Variants in ASTN2 observed in about 807,000 individuals in gnomAD.
ASTN2 encodes astrotactin-2.
A neutral mutation model predicts 139.8 loss-of-function variants in ASTN2; 54 were observed. The observed-to-expected ratio is 0.39, with a 90% CI of 0.31 to 0.48. ASTN2 has a LOEUF of 0.48. ASTN2 is among the 20% of genes least tolerant of loss of function. ASTN2 has a pLI of 0.95. For missense variants in ASTN2, 1,565 were observed against 1,725.1 expected, an observed-to-expected ratio of 0.91 and a Z score of 1.64; for synonymous variants, 756 against 719.5, an observed-to-expected ratio of 1.05 and a Z score of -0.81.
At chr9:116,927,923 A>T (rs1047607772) in intron 10 of ASTN2, among the ~76,000 whole-genome samples, 1 of 152,178 alleles carries the variant, frequency 6.6e-6, no homozygotes, top group African/African-American at 2.4e-5. Context: ...CCCTTTGGGA[A>T]ATCACACCAA....
chr9:116,476,121 A>G (rs943256042), intron 20 of ASTN2, among the ~76,000 whole-genome samples: 8 of 152,194 alleles, frequency 5.3e-5, no homozygotes, highest in African/African-American at 1.9e-4. Context: ...GCTCTTGGAA[A>G]GAATCCTTCC....
chr9:116,608,156 G>A (rs1855311927), intron 19 of ASTN2, among the ~76,000 whole-genome samples: 1 of 152,158 alleles, frequency 6.6e-6, no homozygotes, highest in African/African-American at 2.4e-5. Context: ...ACAGAGTTCT[G>A]AGACCAGGGA....
Position 117,214,652 on chromosome 9 carries a change from G to C in ASTN2, c.721C>G (p.Gln241Glu). The change falls in exon 3 of 23, where the codon CAG becomes GAG. Residue 241 changes from glutamine (Q) to glutamate (E), a missense_variant. Physicochemically the swap from Gln to Glu is conservative, Grantham distance 29. Transcript: ENST00000313400. ...GTGGCTTCTGTGCTTGCGCTCTTCT[G>C]GGGGATGCGGCGACGCTTCTGCCAA... The part of the protein sequence containing the change: ...RRWQKRRRIP[Q>E]KSASTEATHE... The C allele has an allele frequency of 4.5e-6, 7 of 1,557,888 alleles. No homozygotes were observed. The highest frequency in any genetic ancestry group is 6.1e-6 in the Non-Finnish European group (7 of 1,144,214).
At chr9:117,031,998 T>C (rs1310138303) in intron 6 of ASTN2, among the ~76,000 whole-genome samples, 1 of 152,130 alleles carries the variant, frequency 6.6e-6, no homozygotes, top group Non-Finnish European at 1.5e-5. Context: ...TAATAAAAGA[T>C]AGGAGAGAGC....
chr9:116,916,130 G>A (rs750752933), intron 10 of ASTN2, among the ~76,000 whole-genome samples: 34 of 152,156 alleles, frequency 2.2e-4, no homozygotes, highest in Non-Finnish European at 2.2e-4. Flanking sequence ...TGGAAGTGTG[G>A]TGAGTCAAGA....
intron 19 of ASTN2, among the ~76,000 whole-genome samples, chr9:116,542,871 G>C (rs1257171723): frequency 6.6e-6 from 1 of 152,112 alleles, no homozygotes; most frequent in Non-Finnish European, 1.5e-5. Flanking sequence ...AGTGAGCTGA[G>C]ATTGTGCCAC....
chr9:116,629,562 A>C (rs1856634723), intron 17 of ASTN2, among the ~76,000 whole-genome samples: 1 of 151,932 alleles, frequency 6.6e-6, no homozygotes, highest in Non-Finnish European at 1.5e-5. Context: ...TCTTCAACCC[A>C]TCTCTTATTT....
intron 16 of ASTN2, among the ~76,000 whole-genome samples, chr9:116,655,518 C>T (rs932006085): frequency 3.3e-5 from 5 of 152,132 alleles, no homozygotes; most frequent in African/African-American, 1.2e-4. Context: ...TGCATATACC[C>T]TCTGCCTCTC....
chr9:116,786,819 C>T (rs945052906), intron 13 of ASTN2, among the ~76,000 whole-genome samples: 3 of 152,076 alleles, frequency 2.0e-5, no homozygotes, highest in Admixed American at 6.5e-5. Flanking sequence ...CTGGGAGAGA[C>T]CAGGTGAAGA....
chr9:117,216,053 C>T (rs541555828), intron 2 of ASTN2, among the ~76,000 whole-genome samples: 2 of 152,288 alleles, frequency 1.3e-5, no homozygotes, highest in East Asian at 3.9e-4. Flanking sequence ...ATGGCTTCTC[C>T]TTGGCTATGA....
rs55926547 is a variant in ASTN2, at chr9:116,462,788, A to ATGTGTGTG, written c.3498-20243_3498-20236dup. ...CTTTAAGGGTAAGTGTTGGGTGAGC[A>ATGTGTGTG]TGTGTGTGTGTGTGTGTGTGTGTGT... On this transcript the variant is annotated intron_variant, in intron 20 of 22. Transcript: ENST00000313400. Among the ~76,000 whole-genome samples the ATGTGTGTG allele has an allele frequency of 1.2e-3, 176 of 146,180 alleles. 4 individuals are homozygous for ATGTGTGTG. Among genetic ancestry groups the ATGTGTGTG allele is most frequent in the African/African-American group, 3.9e-3 (152 of 38,836 alleles).
chr9:116,522,003 A>C lies in ASTN2; in HGVS notation c.3356-34503T>G, dbSNP rs780920753. ...AGCAAGAATGGCCATAATAAAAAAA[A>C]CAAAAAGTAATAGATGTTGGTATGG... On this transcript the variant is annotated intron_variant, in intron 19 of 22. Transcript: ENST00000313400. 3.3e-4 allele frequency among the ~76,000 whole-genome samples: 50 copies of C among 152,030 alleles called. 1 individual carries two copies. Among genetic ancestry groups the C allele is most frequent in the Non-Finnish European group, 5.4e-4 (37 of 67,934 alleles).
At chr9:116,993,750 T>A (rs1298767730) in intron 7 of ASTN2, among the ~76,000 whole-genome samples, 1 of 147,666 alleles carries the variant, frequency 6.8e-6, no homozygotes, top group Non-Finnish European at 1.5e-5. Flanking sequence ...CATATTCATA[T>A]ACTCTATATA....
At chr9:117,153,155 A>G (rs1040672654) in intron 3 of ASTN2, among the ~76,000 whole-genome samples, 2 of 151,978 alleles carry the variant, frequency 1.3e-5, no homozygotes, top group African/African-American at 4.8e-5. Flanking sequence ...CTGGGCTTCA[A>G]GAAGCATCAC....
chr9:117,040,685 C>G (rs1838537957), intron 5 of ASTN2, among the ~76,000 whole-genome samples: 1 of 152,142 alleles, frequency 6.6e-6, no homozygotes, highest in Non-Finnish European at 1.5e-5. Flanking sequence ...TCTGGAACTC[C>G]TGACCACAGG....
intron 10 of ASTN2, among the ~76,000 whole-genome samples, chr9:116,879,708 G>A (rs866155738): frequency 5.8e-4 from 89 of 152,226 alleles, no homozygotes; most frequent in African/African-American, 2.0e-3. Flanking sequence ...AAAAACACAC[G>A]TGAAACACTC....
At chr9:117,006,918 T>G (rs1837369198) in intron 7 of ASTN2, among the ~76,000 whole-genome samples, 1 of 152,134 alleles carries the variant, frequency 6.6e-6, no homozygotes. Flanking sequence ...AGTTCAAGAC[T>G]AGCCTGACCA....
chr9:117,045,805 G>A (rs1218136913), intron 5 of ASTN2, among the ~76,000 whole-genome samples: 2 of 152,114 alleles, frequency 1.3e-5, no homozygotes, highest in African/African-American at 4.8e-5. Context: ...AAGCATGAGA[G>A]ACCAGGTCCT....
chr9:116,496,363 G>T (rs1197107892), intron 19 of ASTN2, among the ~76,000 whole-genome samples: 1 of 152,270 alleles, frequency 6.6e-6, no homozygotes, highest in East Asian at 1.9e-4. Context: ...ACTTTCGTTT[G>T]AATTCCCTGG....
Sources: gnomAD v4.1 joint callset for allele counts (sites outside exome capture counted in the v4.1 genomes callset) on GRCh38, gnomAD v4.1.1 for gene constraint, MANE v1.5 for transcripts, NCBI Gene and HGNC (gene_info 2026-07-23, HGNC 2026-07-21) for gene names.